Variants in EYS observed in about 807,000 individuals in gnomAD.
EYS encodes the protein protein eyes shut homolog.
A neutral mutation model predicts 282.1 loss-of-function variants in EYS; 250 were observed. That is an observed-to-expected ratio of 0.89 (90% CI 0.80 to 0.98). The LOEUF is 0.98. Ranked by LOEUF, EYS falls within the 50% of genes least tolerant of loss-of-function variation. EYS has a pLI of 0.00. For synonymous variants in EYS, 1,355 were observed against 1,282.9 expected (o/e 1.06, Z -1.20); for missense variants, 4,016 against 3,709.0 (o/e 1.08, Z -2.15).
intron 22 of EYS, among the ~76,000 whole-genome samples, chr6:64,746,377 A>G (rs763803075): frequency 3.3e-5 from 5 of 152,162 alleles, no homozygotes; most frequent in African/African-American, 4.8e-5. Context: ...GAGATAATGT[A>G]GCAGGAAGAC....
At chr6:64,157,533 G>C (rs543595014) in intron 31 of EYS, among the ~76,000 whole-genome samples, 55 of 152,258 alleles carry the variant, frequency 3.6e-4, no homozygotes, top group South Asian at 2.1e-3. Context: ...CAGGCCCGGA[G>C]GCCAAGGAGA....
At chr6:63,724,404 A>G (rs1206728861) in intron 42 of EYS, among the ~76,000 whole-genome samples, 1 of 151,362 alleles carries the variant, frequency 6.6e-6, no homozygotes, top group African/African-American at 2.5e-5. Flanking sequence ...AAGCAATGGT[A>G]ATTTAAACTT....
At chr6:63,991,464 GAA>G (rs1464668702) in intron 34 of EYS, among the ~76,000 whole-genome samples, 2 of 151,702 alleles carry the variant, frequency 1.3e-5, no homozygotes, top group African/African-American at 4.8e-5. Flanking sequence ...AGTGAGGAGA[GAA>G]AAGTGATGCT....
chr6:64,772,058 T>C (rs1773541508), intron 22 of EYS, among the ~76,000 whole-genome samples: 1 of 151,780 alleles, frequency 6.6e-6, no homozygotes, highest in Admixed American at 6.6e-5. Flanking sequence ...TCACATGGAA[T>C]CCTTCTTTCT....
chr6:64,930,461 T>TAAAAAAAAAA (rs55650031), intron 15 of EYS, among the ~76,000 whole-genome samples: 4 of 123,032 alleles, frequency 3.3e-5, no homozygotes, highest in Non-Finnish European at 6.9e-5. Flanking sequence ...ATAAATAAGG[T>TAAAAAAAAAA]AAAAAAAAAA....
chr6:65,366,174 C>G (rs562687708), intron 8 of EYS, among the ~76,000 whole-genome samples: 2 of 151,730 alleles, frequency 1.3e-5, no homozygotes, highest in Admixed American at 6.7e-5. Context: ...GGCATTAGCA[C>G]GGGCTATTCC....
At chr6:65,462,606 C>A (rs1764860375) in intron 5 of EYS, among the ~76,000 whole-genome samples, 1 of 151,792 alleles carries the variant, frequency 6.6e-6, no homozygotes, top group South Asian at 2.1e-4. Flanking sequence ...TATGTCTTTA[C>A]TACAAGATAC....
chr6:65,446,466 CCT>C (rs1768661551), intron 5 of EYS, among the ~76,000 whole-genome samples: 1 of 151,864 alleles, frequency 6.6e-6, no homozygotes, highest in African/African-American at 2.4e-5. Flanking sequence ...GAGGTACAAT[CCT>C]CTGTTTTCAT....
intron 2 of EYS, among the ~76,000 whole-genome samples, chr6:65,500,556 T>C (rs1766413791): frequency 6.6e-6 from 1 of 151,950 alleles, no homozygotes; most frequent in African/African-American, 2.4e-5. Context: ...GAAAAAATTG[T>C]CTATGGAAGA....
chr6:65,617,081 T>G (rs1358295821), intron 2 of EYS, among the ~76,000 whole-genome samples: 1 of 152,202 alleles, frequency 6.6e-6, no homozygotes, highest in Non-Finnish European at 1.5e-5. Flanking sequence ...TTTTTTATAC[T>G]TTCTTTGATC....
chr6:64,536,319 G>T (rs572782459), intron 26 of EYS, among the ~76,000 whole-genome samples: 2 of 152,054 alleles, frequency 1.3e-5, no homozygotes, highest in East Asian at 1.9e-4. Context: ...AAATAAAAAA[G>T]ATCTTCCTAA....
intron 12 of EYS, among the ~76,000 whole-genome samples, chr6:65,060,145 C>A (rs1166619862): frequency 2.0e-5 from 3 of 151,988 alleles, no homozygotes; most frequent in East Asian, 1.9e-4. Flanking sequence ...CCAAACTAAT[C>A]TATTAGAGCA....
intron 35 of EYS, among the ~76,000 whole-genome samples, chr6:63,957,983 TTTGAA>T (rs1243211067): frequency 7.1e-6 from 1 of 140,868 alleles, no homozygotes; most frequent in Non-Finnish European, 1.6e-5. Flanking sequence ...TAGCAAAGAC[TTTGAA>T]TTGACCCATA....
intron 8 of EYS, among the ~76,000 whole-genome samples, chr6:65,371,647 C>T (rs1765142304): frequency 6.6e-6 from 1 of 150,636 alleles, no homozygotes; most frequent in Admixed American, 6.7e-5. Flanking sequence ...TAAAAGCTTA[C>T]CTGCTTTCCT....
chr6:64,468,357 T>A (rs1445375389), intron 26 of EYS, among the ~76,000 whole-genome samples: 3 of 152,244 alleles, frequency 2.0e-5, no homozygotes, highest in Non-Finnish European at 4.4e-5. Flanking sequence ...AATACATTTT[T>A]GGGAAATGTC....
At chr6:64,882,583 C>T (rs1278315185) in intron 19 of EYS, among the ~76,000 whole-genome samples, 1 of 151,542 alleles carries the variant, frequency 6.6e-6, no homozygotes, top group Non-Finnish European at 1.5e-5. Context: ...TAATCAAATA[C>T]CAAATATTTT....
At chr6:64,188,279 T>G (rs1765004498) in intron 31 of EYS, among the ~76,000 whole-genome samples, 2 of 152,092 alleles carry the variant, frequency 1.3e-5, no homozygotes, top group Admixed American at 1.3e-4. Flanking sequence ...CAAAGAAAAT[T>G]TGCATGGAAT....
At chr6:65,314,561 G>GGTGTGTGTGTGT (rs4032795) in intron 11 of EYS, among the ~76,000 whole-genome samples, 47 of 106,404 alleles carry the variant, frequency 4.4e-4, no homozygotes, top group African/African-American at 1.5e-3. Flanking sequence ...TTCCCCTTAT[G>GGTGTGTGTGTGT]GTGTGTGTGT....
intron 30 of EYS, among the ~76,000 whole-genome samples, chr6:64,274,130 T>C (rs574916008): frequency 1.3e-5 from 2 of 152,334 alleles, no homozygotes; most frequent in South Asian, 4.1e-4. Flanking sequence ...CTTTCAGGTC[T>C]ATACGCTATG....
Sources: gnomAD v4.1 joint callset for allele counts (sites outside exome capture counted in the v4.1 genomes callset) on GRCh38, gnomAD v4.1.1 for gene constraint, MANE v1.5 for transcripts, NCBI Gene and HGNC (gene_info 2026-07-23, HGNC 2026-07-21) for gene names.